The following RBM6 variants were observed in gnomAD, a reference collection of about 807,000 sequenced individuals.
The protein encoded by RBM6 is RNA binding motif protein 6, also known as RNA-binding protein 6.
In RBM6, 23 loss-of-function variants were observed where a neutral mutation model predicts 140.4. The ratio of observed to expected loss-of-function variants is 0.16; its 90% confidence interval spans 0.12 to 0.23. The LOEUF (loss-of-function observed/expected upper bound fraction) is 0.23. RBM6 is among the 10% of genes least tolerant of loss of function. The pLI, the probability that RBM6 is intolerant of heterozygous loss-of-function variation, is 1.00. For missense variants in RBM6, 1,139 were observed against 1,386.7 expected, an observed-to-expected ratio of 0.82 and a Z score of 2.84; for synonymous variants, 439 against 475.6, an observed-to-expected ratio of 0.92 and a Z score of 1.00.
intron 6 of RBM6, among the ~76,000 whole-genome samples, chr3:50,035,406 G>C (rs1017003446): frequency 6.6e-6 from 1 of 152,056 alleles, no homozygotes; most frequent in Admixed American, 6.6e-5. Context: ...TTCAGGACAG[G>C]GTGCGGTGGC....
chr3:49,962,150 T>TAAA (rs66697775), intron 1 of RBM6, among the ~76,000 whole-genome samples: 4 of 112,454 alleles, frequency 3.6e-5, no homozygotes, highest in Admixed American at 9.9e-5. Context: ...CTCCATCTCT[T>TAAA]AAAAAAAAAA....
chr3:49,950,847 A>G (rs1224232976), intron 1 of RBM6, among the ~76,000 whole-genome samples: 1 of 152,174 alleles, frequency 6.6e-6, no homozygotes, highest in Non-Finnish European at 1.5e-5. Flanking sequence ...ATCCAAAATA[A>G]TTGAAAACAA....
Position 49,968,154 on chromosome 3 carries a change from T to G in RBM6, c.729T>G (p.Thr243=). 1.2e-6 allele frequency: 2 copies of G among 1,614,162 alleles called. No individual in the cohort carries two copies. Among genetic ancestry groups the G allele is most frequent in the Non-Finnish European group, 1.7e-6 (2 of 1,180,028 alleles). The change falls in exon 3 of 21, where the codon ACT becomes ACG. Residue 243 remains threonine, a synonymous_variant. Coordinates refer to ENST00000266022, the MANE Select transcript of RBM6 (RefSeq NM_005777.3). The stretch of plus-strand genomic sequence containing the variant: ...TTAGAGGCCGAGGTTCAGGTACTAC[T>G]GATCTAGACTTTAGGGACAGGGATA... ...VDFRGRGSGT[T]DLDFRDRDTP...
At chr3:50,075,086 G>A in intron 19 of RBM6, 115 bp from the exon 20 acceptor site, 1 of 1,236,398 alleles carries the variant, frequency 8.1e-7, no homozygotes, top group Non-Finnish European at 1.1e-6. Context: ...AACCCAGGAG[G>A]CAGAGGTTGC....
chr3:50,061,717 A>G lies in RBM6; in HGVS notation c.2439+170A>G, dbSNP rs1335636471. On this transcript the variant is annotated intron_variant, in intron 14 of 20. Transcript: ENST00000266022. ...ATCTATGGAAACAGAACTGTTGCCTATATGGAAAATCAGTGCCTTGTGGCA... is the reference window on the plus strand; with the variant it reads ...ATCTATGGAAACAGAACTGTTGCCTGTATGGAAAATCAGTGCCTTGTGGCA... 6 of 1,411,440 alleles carry G rather than the reference A, an allele frequency of 4.3e-6. No homozygotes were observed. The African/African-American group carries it at 8.7e-5, about 20-fold the overall frequency. The allele number at this position is 1,411,440 out of a possible 1,614,324, so 87.4% of individuals were successfully genotyped here.
At chr3:49,973,943 G>C (rs541402585) in intron 4 of RBM6, among the ~76,000 whole-genome samples, 2 of 152,054 alleles carry the variant, frequency 1.3e-5, no homozygotes, top group South Asian at 2.1e-4. Context: ...TGTCACCCAG[G>C]CTGGAGTGCA....
intron 5 of RBM6, among the ~76,000 whole-genome samples, chr3:49,988,511 C>T (rs2085670215): frequency 6.6e-6 from 1 of 151,872 alleles, no homozygotes; most frequent in Non-Finnish European, 1.5e-5. Flanking sequence ...AAAGATATTC[C>T]TCGACTTGAT....
At chr3:49,964,160 G>C (rs560867371) in intron 2 of RBM6, among the ~76,000 whole-genome samples, 1 of 152,002 alleles carries the variant, frequency 6.6e-6, no homozygotes, top group Non-Finnish European at 1.5e-5. Flanking sequence ...ACCTACCTCA[G>C]CCTCCCAAAG....
At chr3:49,979,475 CG>C (rs1221001044) in intron 5 of RBM6, among the ~76,000 whole-genome samples, 6 of 149,242 alleles carry the variant, frequency 4.0e-5, no homozygotes, top group Non-Finnish European at 7.4e-5. Context: ...ATCTTGCTCC[CG>C]TTGTGTAGGC....
chr3:50,063,377 C>T (rs1382407210), intron 15 of RBM6, among the ~76,000 whole-genome samples: 1 of 151,998 alleles, frequency 6.6e-6, no homozygotes. Context: ...GAGGCCAAGA[C>T]AGGTGGATGC....
intron 1 of RBM6, among the ~76,000 whole-genome samples, chr3:49,943,064 T>C (rs1207746237): frequency 1.3e-5 from 2 of 152,200 alleles, no homozygotes; most frequent in Non-Finnish European, 2.9e-5. Flanking sequence ...ATCCATGTTG[T>C]ACTGTGTATC....
intron 5 of RBM6, among the ~76,000 whole-genome samples, chr3:49,983,151 T>C (rs1022502125): frequency 1.3e-5 from 2 of 152,214 alleles, no homozygotes; most frequent in African/African-American, 4.8e-5. Flanking sequence ...AGCTGCCCTT[T>C]ACATTTCTTA....
chr3:49,956,028 AT>A lies in RBM6; in HGVS notation c.-66-6536del, dbSNP rs1199817964. ...TTTTTTTTTTTGGTAGTGAAAAAAA[AT>A]TTTTTTTTTTTGAGAGCATGAGACT... is the stretch of plus-strand genomic sequence containing the variant. On this transcript the variant is annotated intron_variant, in intron 1 of 20. Transcript: ENST00000266022. Among the ~76,000 whole-genome samples the A allele has an allele frequency of 2.7e-3, 401 of 146,588 alleles. 2 individuals are homozygous for A. Among genetic ancestry groups the A allele is most frequent in the African/African-American group, 8.7e-3 (347 of 40,058 alleles).
At chr3:50,071,515 G>GAGTC (rs55914752) in intron 19 of RBM6, among the ~76,000 whole-genome samples, 34,119 of 152,032 alleles carry the variant, frequency 0.22, 4,112 homozygotes, top group Middle Eastern at 0.27. Context: ...TGAAGGTGAT[G>GAGTC]AGTCTAGAAA....
intron 6 of RBM6, among the ~76,000 whole-genome samples, chr3:50,042,674 T>A (rs937097164): frequency 1.3e-5 from 2 of 152,052 alleles, no homozygotes; most frequent in African/African-American, 4.8e-5. Context: ...AGGTCAAGGC[T>A]GCAGTCAGTC....
At chr3:49,962,749 G>T (rs897176782) in intron 2 of RBM6, 64 bp downstream of exon 2, 4 of 1,367,368 alleles carry the variant, frequency 2.9e-6, no homozygotes, top group Middle Eastern at 1.8e-4. Flanking sequence ...TAACATTTTC[G>T]CCTACTATAA....
intron 7 of RBM6, among the ~76,000 whole-genome samples, chr3:50,051,912 T>C (rs1435983165): frequency 1.3e-5 from 2 of 152,168 alleles, no homozygotes; most frequent in Non-Finnish European, 2.9e-5. Flanking sequence ...CATTGCACAA[T>C]TCCATGTCCC....
chr3:50,007,018 A>C (rs946757351), intron 6 of RBM6, among the ~76,000 whole-genome samples: 1 of 152,018 alleles, frequency 6.6e-6, no homozygotes, highest in Non-Finnish European at 1.5e-5. Context: ...ATCTGAAACA[A>C]AGTCTTAAGT....
At chr3:49,989,047 AT>A (rs377540139) in intron 5 of RBM6, among the ~76,000 whole-genome samples, 162 of 150,612 alleles carry the variant, frequency 1.1e-3, no homozygotes, top group African/African-American at 3.5e-3. Flanking sequence ...AGATAATGTC[AT>A]TTTTTTTTTA....
Sources: allele counts gnomAD v4.1 joint callset (sites outside exome capture counted in the v4.1 genomes callset), GRCh38; gene constraint gnomAD v4.1.1; transcripts MANE v1.5; gene names NCBI Gene and HGNC (gene_info 2026-07-23, HGNC 2026-07-21).